SLIT2: variants seen among roughly 807,000 people sequenced by gnomAD.
SLIT2 encodes the protein slit guidance ligand 2.
Under a neutral mutation model 185.7 loss-of-function variants are expected in SLIT2, and 41 were observed. The observed-to-expected ratio is 0.22, with a 90% CI of 0.17 to 0.29. SLIT2 has a LOEUF of 0.29. SLIT2 is among the 10% of genes least tolerant of loss of function. SLIT2 has a pLI of 1.00. For missense variants in SLIT2, 1,571 were observed against 1,909.0 expected (o/e 0.82, Z 3.30); for synonymous variants, 693 against 680.2 (o/e 1.02, Z -0.29).
intron 4 of SLIT2, among the ~76,000 whole-genome samples, chr4:20,353,033 C>T (rs1722013878): frequency 6.6e-6 from 1 of 152,118 alleles, no homozygotes; most frequent in South Asian, 2.1e-4. Flanking sequence ...AATTTGAATG[C>T]AGCAGTATAA....
intron 4 of SLIT2, among the ~76,000 whole-genome samples, chr4:20,271,715 G>A (rs1047393390): frequency 1.3e-5 from 2 of 151,818 alleles, no homozygotes; most frequent in East Asian, 1.9e-4. Flanking sequence ...AAAGTTTACT[G>A]GTTTAATACA....
chr4:20,476,653 C>T (rs910790099), intron 5 of SLIT2, among the ~76,000 whole-genome samples: 1 of 152,028 alleles, frequency 6.6e-6, no homozygotes, highest in Non-Finnish European at 1.5e-5. Flanking sequence ...AACTTGGATG[C>T]TGCAGTAGAA....
intron 34 of SLIT2, chr4:20,616,116 G>A (rs1252039136): frequency 6.6e-6 from 1 of 152,118 alleles, no homozygotes; most frequent in African/African-American, 2.4e-5. Context: ...CTGATTTCTT[G>A]GACTATGAAG....
intron 3 of SLIT2, among the ~76,000 whole-genome samples, chr4:20,258,787 C>G (rs1449414230): frequency 1.3e-5 from 2 of 151,586 alleles, no homozygotes; most frequent in Non-Finnish European, 3.0e-5. Flanking sequence ...AAGAAAAGCT[C>G]TAGTAAAAGA....
intron 5 of SLIT2, among the ~76,000 whole-genome samples, chr4:20,480,438 A>G (rs1716579593): frequency 6.6e-6 from 1 of 152,182 alleles, no homozygotes; most frequent in African/African-American, 2.4e-5. Flanking sequence ...TCTTGATCTA[A>G]TGAAATTGCA....
chr4:20,519,335 A>G (rs895480705), intron 11 of SLIT2, 47 bp from the exon 12 acceptor site: 9 of 910,378 alleles, frequency 9.9e-6, no homozygotes, highest in African/African-American at 3.3e-5. Flanking sequence ...TGAATTTGTT[A>G]TGCAGGTTTG....
chr4:20,361,629 A>T (rs563862365), intron 4 of SLIT2, among the ~76,000 whole-genome samples: 2 of 152,256 alleles, frequency 1.3e-5, no homozygotes, highest in South Asian at 4.1e-4. Context: ...TTCCTGATTG[A>T]ATGTATATTA....
Position 20,504,580 on chromosome 4 carries a change from G to A in SLIT2, c.915-5915G>A, listed in dbSNP as rs79904936. Among the ~76,000 whole-genome samples the A allele has an allele frequency of 2.5e-3, 378 of 152,272 alleles. 2 individuals carry two copies. The highest frequency in any genetic ancestry group is 8.7e-3 in the African/African-American group (363 of 41,572). The stretch of plus-strand genomic sequence containing the variant: ...CAGCTTCAATGTGAATGATGTATGT[G>A]TGTATGTGTTTATTATACAGTTACG... On this transcript the variant is annotated intron_variant, in intron 9 of 36. Transcript: ENST00000504154.
intron 4 of SLIT2, among the ~76,000 whole-genome samples, chr4:20,386,764 C>A (rs944703496): frequency 6.6e-6 from 1 of 152,148 alleles, no homozygotes; most frequent in African/African-American, 2.4e-5. Context: ...TAATTTATAA[C>A]CTACAAGGAA....
intron 18 of SLIT2, among the ~76,000 whole-genome samples, chr4:20,538,126 A>AT (rs1722465192): frequency 6.6e-6 from 1 of 151,932 alleles, no homozygotes; most frequent in Non-Finnish European, 1.5e-5. Flanking sequence ...CGCTAGGCTA[A>AT]TTTTTTTGTA....
chr4:20,515,602 C>G (rs754321411), intron 11 of SLIT2, among the ~76,000 whole-genome samples: 2 of 152,156 alleles, frequency 1.3e-5, no homozygotes, highest in Admixed American at 6.5e-5. Flanking sequence ...GGTAGCACCT[C>G]TGTTTTGTCC....
chr4:20,400,474 T>C (rs559432445), intron 4 of SLIT2, among the ~76,000 whole-genome samples: 14 of 151,642 alleles, frequency 9.2e-5, no homozygotes, highest in African/African-American at 3.4e-4. Context: ...ACAAATGAGA[T>C]AGGAAATATA....
chr4:20,478,737 CA>C (rs752634358), intron 5 of SLIT2, among the ~76,000 whole-genome samples: 25 of 152,132 alleles, frequency 1.6e-4, no homozygotes, highest in Non-Finnish European at 3.4e-4. Flanking sequence ...TGTAGTGTGT[CA>C]GGGGTAACAC....
At chr4:20,553,603 T>G (rs574102692) in intron 25 of SLIT2, among the ~76,000 whole-genome samples, 2 of 152,328 alleles carry the variant, frequency 1.3e-5, no homozygotes, top group East Asian at 3.9e-4. Flanking sequence ...GTGCACATCA[T>G]TCAGGAAAAT....
intron 4 of SLIT2, among the ~76,000 whole-genome samples, chr4:20,398,138 T>G (rs1476981124): frequency 6.6e-6 from 1 of 151,734 alleles, no homozygotes; most frequent in East Asian, 1.9e-4. Flanking sequence ...GAGTTATTAG[T>G]GCAAAGACAG....
rs386399451 is a variant in SLIT2 at position 20,587,031 on chromosome 4, CT to C, written c.3089-2600del. On this transcript the variant is annotated intron_variant, in intron 29 of 36. Transcript: ENST00000504154. ...TCGGTGATAATAAAGAAAATCAAAT[CT>C]TTTTTTTTTTTTGACTGCTCTTGTC... is the stretch of plus-strand genomic sequence containing the variant. Among the ~76,000 whole-genome samples the C allele has an allele frequency of 3.6e-3, 517 of 144,404 alleles. 1 individual carries two copies. The highest frequency in any genetic ancestry group is 7.2e-3 in the Middle Eastern group (2 of 278). The allele number at this position is 144,404 out of a possible 152,430, so 94.7% of individuals were successfully genotyped here. A position where few individuals can be genotyped will look rare whatever the true frequency, so the allele number is the denominator to read the frequency against.
chr4:20,435,338 T>C (rs1008761988), intron 4 of SLIT2, among the ~76,000 whole-genome samples: 6 of 152,226 alleles, frequency 3.9e-5, no homozygotes, highest in Non-Finnish European at 5.9e-5. Flanking sequence ...TTAACTCCAC[T>C]GGGAGAAAAA....
rs181411629 is a variant in SLIT2, at chr4:20,617,795, T to C, written c.4348+145T>C. The stretch of plus-strand genomic sequence containing the variant: ...AGAGGGGAGTGACAGGAGAGAATAC[T>C]AGGTCTTCTCACTACTTGCAGTTGC... On this transcript the variant is annotated intron_variant, in intron 36 of 36. Transcript: ENST00000504154. 77 of 622,586 alleles carry C rather than the reference T, an allele frequency of 1.2e-4. No homozygotes were observed. In the East Asian group the frequency reaches 2.1e-3, roughly 17 times the overall value. 38.6% of individuals were successfully genotyped at this position (622,586 alleles called of 1,614,324 possible). A position where few individuals can be genotyped will look rare whatever the true frequency, so the allele number is the denominator to read the frequency against.
chr4:20,608,580 T>C (rs1325897617), intron 33 of SLIT2, among the ~76,000 whole-genome samples: 2 of 152,168 alleles, frequency 1.3e-5, no homozygotes, highest in Non-Finnish European at 2.9e-5. Context: ...TATCAAAGAT[T>C]CCTGTACACG....
Sources: allele counts gnomAD v4.1 joint callset (sites outside exome capture counted in the v4.1 genomes callset), GRCh38; gene constraint gnomAD v4.1.1; transcripts MANE v1.5; gene names NCBI Gene and HGNC (gene_info 2026-07-23, HGNC 2026-07-21).